Variants in SLC14A2 observed in about 807,000 individuals in gnomAD.
The protein encoded by SLC14A2 is solute carrier family 14 member 2, also known as urea transporter 2.
In SLC14A2, 91 loss-of-function variants were observed where a neutral mutation model predicts 104.6. The ratio of observed to expected loss-of-function variants is 0.87; its 90% CI spans 0.73 to 1.04. SLC14A2 has a LOEUF of 1.04. Among genes scored for constraint, SLC14A2 ranks in the 50% least tolerant of loss-of-function variants. The pLI is 0.00. For missense variants in SLC14A2, 1,189 were observed against 1,156.0 expected (o/e 1.03, Z -0.41); for synonymous variants, 476 against 466.4 (o/e 1.02, Z -0.27).
chr18:45,659,146 TC>T (rs1225840520), intron 10 of SLC14A2, among the ~76,000 whole-genome samples: 2 of 152,172 alleles, frequency 1.3e-5, no homozygotes, highest in African/African-American at 2.4e-5. Context: ...CCACAGGTTT[TC>T]CAGGACATGC....
intron 1 of SLC14A2, among the ~76,000 whole-genome samples, chr18:45,406,297 G>A (rs1230753123): frequency 6.6e-6 from 1 of 152,126 alleles, no homozygotes; most frequent in African/African-American, 2.4e-5. Flanking sequence ...TTCATAAGAA[G>A]CAACTCCTCA....
chr18:45,439,952 G>C (rs1414028754), intron 1 of SLC14A2, among the ~76,000 whole-genome samples: 1 of 152,202 alleles, frequency 6.6e-6, no homozygotes, highest in Non-Finnish European at 1.5e-5. Flanking sequence ...GAGTAATTCA[G>C]CATTGGAAAG....
chr18:45,273,028 A>G (rs1366588716), intron 1 of SLC14A2, among the ~76,000 whole-genome samples: 1 of 152,130 alleles, frequency 6.6e-6, no homozygotes, highest in East Asian at 1.9e-4. Context: ...GGAATAATGG[A>G]CTTGACTGAC....
At chr18:45,317,929 T>A (rs934978633) in intron 1 of SLC14A2, among the ~76,000 whole-genome samples, 1 of 152,178 alleles carries the variant, frequency 6.6e-6, no homozygotes, top group African/African-American at 2.4e-5. Flanking sequence ...TCATGCTTCA[T>A]GAGCCCCACC....
intron 19 of SLC14A2, among the ~76,000 whole-genome samples, chr18:45,679,962 G>C (rs1237159259): frequency 2.6e-5 from 4 of 152,146 alleles, no homozygotes; most frequent in Non-Finnish European, 4.4e-5. Context: ...TTGGAACAGG[G>C]ACCTCATCAT....
chr18:45,244,016 A>G (rs2084344185), intron 1 of SLC14A2, among the ~76,000 whole-genome samples: 1 of 152,110 alleles, frequency 6.6e-6, no homozygotes, highest in African/African-American at 2.4e-5. Flanking sequence ...ATTGGAGACC[A>G]TTCCTGGCCA....
the SLC14A2 span, among the ~76,000 whole-genome samples, chr18:45,195,791 T>C: frequency 2.0e-5 from 3 of 152,068 alleles, no homozygotes; most frequent in Admixed American, 6.6e-5. Flanking sequence ...TAAAATATAA[T>C]AGAATAGCGT....
upstream of SLC14A2, among the ~76,000 whole-genome samples, chr18:45,211,429 G>T (rs1243897167): frequency 6.6e-6 from 1 of 152,156 alleles, no homozygotes; most frequent in Non-Finnish European, 1.5e-5. Context: ...TGCAAGGCAG[G>T]TATTTCAAAT....
At chr18:45,408,589 T>C (rs2086181508) in intron 1 of SLC14A2, among the ~76,000 whole-genome samples, 1 of 152,178 alleles carries the variant, frequency 6.6e-6, no homozygotes, top group South Asian at 2.1e-4. Flanking sequence ...CTCTAAGTGT[T>C]ACATTAAACA....
At chr18:45,193,855 C>T in the SLC14A2 span, among the ~76,000 whole-genome samples, 2 of 152,138 alleles carry the variant, frequency 1.3e-5, no homozygotes, top group Non-Finnish European at 2.9e-5. Context: ...TACAGTATCT[C>T]TGTCCATTTC....
chr18:45,551,185 T>C (rs189615844), intron 2 of SLC14A2, among the ~76,000 whole-genome samples: 4 of 152,270 alleles, frequency 2.6e-5, no homozygotes, highest in African/African-American at 7.2e-5. Context: ...AATACCTTCC[T>C]TTGCACCAAG....
intron 2 of SLC14A2, among the ~76,000 whole-genome samples, chr18:45,500,611 A>G (rs1284845112): frequency 1.3e-5 from 2 of 149,460 alleles, no homozygotes; most frequent in African/African-American, 4.9e-5. Flanking sequence ...TCCTGCCCTT[A>G]TCCTGACGCA....
chr18:45,522,443 C>T (rs563521211), intron 2 of SLC14A2, among the ~76,000 whole-genome samples: 17 of 152,256 alleles, frequency 1.1e-4, no homozygotes, highest in East Asian at 3.9e-4. Context: ...GGCAGCTTCC[C>T]GGCACCATCC....
chr18:45,588,258 G>A (rs753771499), intron 2 of SLC14A2, among the ~76,000 whole-genome samples: 13 of 152,158 alleles, frequency 8.5e-5, no homozygotes, highest in Non-Finnish European at 1.2e-4. Flanking sequence ...GTCCTGGGCC[G>A]AGGCTGGAGG....
At chr18:45,464,185 G>A (rs1302249063) in intron 1 of SLC14A2, among the ~76,000 whole-genome samples, 1 of 152,206 alleles carries the variant, frequency 6.6e-6, no homozygotes, top group African/African-American at 2.4e-5. Flanking sequence ...CATTTCCTCA[G>A]GAACCTAAAT....
At chr18:45,183,637 T>TC in the SLC14A2 span, among the ~76,000 whole-genome samples, 1 of 132,734 alleles carries the variant, frequency 7.5e-6, no homozygotes, top group Non-Finnish European at 1.7e-5. Flanking sequence ...TTCTTTCCTT[T>TC]CTTTTCCTTT....
intron 1 of SLC14A2, among the ~76,000 whole-genome samples, chr18:45,347,862 A>G (rs2085465139): frequency 6.6e-6 from 1 of 152,058 alleles, no homozygotes; most frequent in Non-Finnish European, 1.5e-5. Flanking sequence ...TAGTGCTTAC[A>G]CCTCTATGTT....
At position 45,639,878 on chromosome 18, in the gene SLC14A2, G is replaced by A. The variant is rs761519063; in HGVS notation, c.976G>A (p.Val326Met). Residue 326 changes from valine (V) to methionine (M), a missense_variant, in exon 7 of 20, where the codon GTG becomes ATG. Coordinates refer to ENST00000255226, the MANE Select transcript of SLC14A2 (RefSeq NM_007163.4). Reference sequence around the variant, plus strand: ...CTTGCATGCAGCCATTGGCTCAATCGTGGGGCTGCTAGCAGGTAGGACAGA... The same window carrying A: ...CTTGCATGCAGCCATTGGCTCAATCATGGGGCTGCTAGCAGGTAGGACAGA... The part of the protein sequence containing the change: ...ICLHAAIGSI[V>M]GLLAALSVAT... The A allele has an allele frequency of 1.8e-5, 29 of 1,613,276 alleles. No homozygotes were observed. The highest frequency in any genetic ancestry group is 1.1e-4 in the African/African-American group (8 of 74,880).
intron 2 of SLC14A2, among the ~76,000 whole-genome samples, chr18:45,568,280 T>C (rs1311137520): frequency 5.9e-5 from 9 of 152,248 alleles, no homozygotes; most frequent in Non-Finnish European, 1.3e-4. Flanking sequence ...AGGACCAGGC[T>C]AACTGATGAG....
Sources: allele counts gnomAD v4.1 joint callset (sites outside exome capture counted in the v4.1 genomes callset), GRCh38; gene constraint gnomAD v4.1.1; transcripts MANE v1.5; gene names NCBI Gene and HGNC (gene_info 2026-07-23, HGNC 2026-07-21).